The following DNAJC2 variants were observed in gnomAD, a reference collection of about 807,000 sequenced individuals.
DNAJC2 encodes dnaJ homolog subfamily C member 2.
DNAJC2 carries 32 observed loss-of-function variants against 94.0 expected under a neutral mutation model. That is an observed-to-expected ratio of 0.34 (90% CI 0.26 to 0.46). The LOEUF (loss-of-function observed/expected upper bound fraction) is 0.46. Ranked by LOEUF, DNAJC2 falls within the 20% of genes least tolerant of loss-of-function variation. The probability of loss-of-function intolerance (pLI) is 1.00; values close to 1 mark genes in which losing one functional copy is unlikely to be tolerated. For missense variants in DNAJC2, 550 were observed against 719.5 expected (o/e 0.76, Z 2.69); for synonymous variants, 210 against 229.7 (o/e 0.91, Z 0.77).
intron 15 of DNAJC2, among the ~76,000 whole-genome samples, chr7:103,315,228 CATTTT>C (rs1817982575): frequency 6.6e-6 from 1 of 150,702 alleles, no homozygotes; most frequent in Non-Finnish European, 1.5e-5. Context: ...CAATTTTTAA[CATTTT>C]ATTTTGAAAT....
chr7:103,334,075 C>T (rs1403389858), intron 3 of DNAJC2, among the ~76,000 whole-genome samples: 3 of 151,782 alleles, frequency 2.0e-5, no homozygotes, highest in Admixed American at 2.0e-4. Flanking sequence ...CTCAGCCACG[C>T]GAGTAGCTGC....
At chr7:103,331,537 T>TA (rs1230483769) in intron 3 of DNAJC2, among the ~76,000 whole-genome samples, 37 of 152,318 alleles carry the variant, frequency 2.4e-4, no homozygotes, top group Admixed American at 1.7e-3. Context: ...GCCTCTGGTA[T>TA]CTATCATTCT....
chr7:103,344,711 C>G lies in DNAJC2; in HGVS notation c.-89G>C, dbSNP rs560484909. ...TCCCCTCCAGCTCTACCTCTCACTC[C>G]GAGCCTCGCGCCTTGGCTCTAAGAC... On this transcript the variant is annotated 5_prime_UTR_variant, in exon 1 of 17. Transcript: ENST00000379263. 1 of 1,381,824 alleles carries G rather than the reference C, an allele frequency of 7.2e-7. No individual in the cohort carries two copies. The highest frequency in any genetic ancestry group is 1.0e-6 in the Non-Finnish European group (1 of 989,176). 85.6% of individuals were successfully genotyped at this position (1,381,824 alleles called of 1,614,324 possible).
chr7:103,332,153 C>T (rs899510416), intron 3 of DNAJC2, among the ~76,000 whole-genome samples: 3 of 151,876 alleles, frequency 2.0e-5, no homozygotes, highest in African/African-American at 4.8e-5. Flanking sequence ...TACAGGCACC[C>T]GCCACCACGC....
At chr7:103,339,859 A>AT (rs1216024070) in intron 2 of DNAJC2, among the ~76,000 whole-genome samples, 9 of 151,810 alleles carry the variant, frequency 5.9e-5, no homozygotes, top group Admixed American at 5.3e-4. Context: ...TTTTTTTGAG[A>AT]TAGAGTTTTG....
chr7:103,337,542 T>A, intron 3 of DNAJC2, 194 bp downstream of exon 3: 1 of 533,836 alleles, frequency 1.9e-6, no homozygotes, highest in Non-Finnish European at 3.3e-6. Context: ...GGAAAGTCTA[T>A]ATGTAAAATG....
Position 103,316,941 on chromosome 7 carries a change from T to C in DNAJC2, c.1316A>G (p.Asn439Ser). Residue 439 changes from asparagine to serine, a missense_variant, in exon 13 of 17, where the codon AAC (asparagine) becomes AGC (serine). By Grantham distance (46) the Asn-to-Ser change is conservative. Coordinates refer to ENST00000379263, the MANE Select transcript of DNAJC2 (RefSeq NM_014377.3). The part of the protein sequence containing the change: ...AEARMRQASK[N>S]TEKSTGGGGN... ...ACCTCCACCAGTTGATTTCTCTGTG[T>C]TCTTAGATGCTTGTCGCATACGAGC... The C allele has an allele frequency of 6.2e-7, 1 of 1,614,138 alleles. No homozygotes were observed. Among genetic ancestry groups the C allele is most frequent in the Non-Finnish European group, 8.5e-7 (1 of 1,180,022 alleles).
chr7:103,319,637 T>A lies in DNAJC2; in HGVS notation c.1214A>T (p.Glu405Val), dbSNP rs779456178. The change falls in exon 12 of 17, where the codon GAA becomes GTA. Residue 405 changes from glutamate to valine, a missense_variant. Around this residue, in one of 2 missense-constraint regions of DNAJC2, gnomAD observed 271 missense variants for 302.6 expected, o/e 0.90. Transcript: ENST00000379263. ...TTTTTCCAAAGCAGCCTTTCCTACT[T>A]CTTTTGTGCATGATGTGAGTGTTTC... The part of the protein sequence containing the change: ...LNETLTSCTK[E>V]VGKAALEKQI... The A allele has an allele frequency of 9.9e-6, 16 of 1,614,010 alleles. No individual in the cohort carries two copies. Among genetic ancestry groups the A allele is most frequent in the Non-Finnish European group, 1.3e-5 (15 of 1,180,032 alleles).
intron 5 of DNAJC2, among the ~76,000 whole-genome samples, chr7:103,325,877 CAATG>C (rs1441145504): frequency 1.3e-5 from 2 of 152,082 alleles, no homozygotes; most frequent in East Asian, 3.8e-4. Flanking sequence ...TCTCAACTGA[CAATG>C]AGTCAGAGAG....
In DNAJC2 at chr7:103,315,968, A is replaced by G. The variant is rs374011927; in HGVS notation, c.1528+20T>C. The G allele has an allele frequency of 7.6e-6, 12 of 1,577,056 alleles. No individual in the cohort carries two copies. The highest frequency in any genetic ancestry group is 9.5e-6 in the Non-Finnish European group (11 of 1,157,430). On this transcript the variant is annotated intron_variant, in intron 14 of 16. Coordinates refer to ENST00000379263, the MANE Select transcript of DNAJC2 (RefSeq NM_014377.3). Reference sequence around the variant, plus strand: ...TAAAAATAGGTGTTTAAAGTAACAAATGGACTTCTCAAAACTCACCAAGTT... The same window carrying G: ...TAAAAATAGGTGTTTAAAGTAACAAGTGGACTTCTCAAAACTCACCAAGTT...
At chr7:103,327,570 C>G in intron 4 of DNAJC2, 86 bp downstream of exon 4, 2 of 859,628 alleles carry the variant, frequency 2.3e-6, no homozygotes, top group Admixed American at 2.4e-5. Context: ...GTTGAATGAA[C>G]TACAGTATGC....
At chr7:103,344,471 G>A (rs1769609294) in intron 1 of DNAJC2, 88 bp downstream of exon 1, 1 of 1,478,808 alleles carries the variant, frequency 6.8e-7, no homozygotes, top group Admixed American at 1.7e-5. Flanking sequence ...CCAGGGTCAA[G>A]GGTAGAGAGA....
chr7:103,343,198 A>G (rs912846691), intron 1 of DNAJC2, among the ~76,000 whole-genome samples: 1 of 151,434 alleles, frequency 6.6e-6, no homozygotes, highest in Non-Finnish European at 1.5e-5. Flanking sequence ...ACAGGGTTTC[A>G]CCCTGTTAGC....
At chr7:103,344,373 T>C (rs1240025279) in intron 1 of DNAJC2, 186 bp downstream of exon 1, 2 of 626,236 alleles carry the variant, frequency 3.2e-6, no homozygotes, top group African/African-American at 1.8e-5. Flanking sequence ...CCCCTCACCC[T>C]CCTTCCTTCT....
Position 103,316,934 on chromosome 7 carries a change from C to A in DNAJC2, c.1323G>T (p.Glu441Asp), listed in dbSNP as rs776114907. The A allele has an allele frequency of 6.2e-7, 1 of 1,614,076 alleles. No individual in the cohort carries two copies. Among genetic ancestry groups the A allele is most frequent in the Admixed American group, 1.7e-5 (1 of 60,018 alleles). ...ARMRQASKNTEKSTGGGGNGS... is the reference protein window; with the variant it reads ...ARMRQASKNTDKSTGGGGNGS... ...CATTTCCACCTCCACCAGTTGATTT[C>A]TCTGTGTTCTTAGATGCTTGTCGCA... Residue 441 changes from glutamate to aspartate, a missense_variant, in exon 13 of 17, where the codon GAG becomes GAT. Transcript: ENST00000379263.
chr7:103,322,932 GAT>G, intron 7 of DNAJC2, 138 bp from the exon 8 acceptor site: 8 of 736,066 alleles, frequency 1.1e-5, no homozygotes, highest in African/African-American at 1.1e-4. Context: ...ATTAAACAAT[GAT>G]TTTTTTTTTT....
intron 13 of DNAJC2, 195 bp downstream of exon 13, chr7:103,316,635 T>C (rs369073988): frequency 1.7e-6 from 1 of 579,630 alleles, no homozygotes; most frequent in Admixed American, 3.2e-5. Flanking sequence ...CTGTCATATG[T>C]ATATGTGCAT....
intron 7 of DNAJC2, 47 bp downstream of exon 7, chr7:103,323,551 A>T: frequency 1.4e-6 from 2 of 1,410,716 alleles, no homozygotes; most frequent in South Asian, 2.8e-5. Flanking sequence ...CACAAATACC[A>T]GAGAACCAAA....
intron 15 of DNAJC2, chr7:103,314,254 T>C (rs1469477676): frequency 2.5e-5 from 25 of 985,332 alleles, no homozygotes; most frequent in Non-Finnish European, 3.0e-5. Flanking sequence ...TTTCCTGCTG[T>C]TCTCCAGTTA....
Sources: allele counts gnomAD v4.1 joint callset (sites outside exome capture counted in the v4.1 genomes callset), GRCh38; gene constraint gnomAD v4.1.1; regional missense constraint gnomAD v4.1.1; transcripts MANE v1.5; gene names NCBI Gene and HGNC (gene_info 2026-07-23, HGNC 2026-07-21).